DSCAM: variants seen among roughly 807,000 people sequenced by gnomAD.
The protein encoded by DSCAM is DS cell adhesion molecule, also known as cell adhesion molecule DSCAM.
Under a neutral mutation model 217.7 loss-of-function variants are expected in DSCAM, and 47 were observed. That is an observed-to-expected ratio of 0.22 (90% CI 0.17 to 0.28). DSCAM has a LOEUF of 0.28. Among genes scored for constraint, DSCAM ranks in the 10% least tolerant of loss-of-function variants. DSCAM has a pLI of 1.00. For missense variants in DSCAM, 2,080 were observed against 2,618.3 expected, an observed-to-expected ratio of 0.79 and a Z score of 4.49; for synonymous variants, 1,056 against 1,015.3, an observed-to-expected ratio of 1.04 and a Z score of -0.76.
chr21:40,185,469 C>T (rs989880923), intron 14 of DSCAM, among the ~76,000 whole-genome samples: 1 of 152,176 alleles, frequency 6.6e-6, no homozygotes, highest in Admixed American at 6.5e-5. Flanking sequence ...GCAATGCCCG[C>T]TCCTCCATGA....
intron 9 of DSCAM, among the ~76,000 whole-genome samples, chr21:40,307,555 C>G (rs2074092912): frequency 6.6e-6 from 1 of 152,050 alleles, no homozygotes; most frequent in African/African-American, 2.4e-5. Context: ...ACTAGAAATA[C>G]CATTTGACCC....
chr21:40,701,252 T>C (rs1037106773), intron 2 of DSCAM, among the ~76,000 whole-genome samples: 1 of 152,232 alleles, frequency 6.6e-6, no homozygotes, highest in African/African-American at 2.4e-5. Flanking sequence ...GTTCTCTTAG[T>C]ATCATTTTAA....
chr21:40,265,468 T>C (rs1179502943), intron 11 of DSCAM, among the ~76,000 whole-genome samples: 5 of 147,678 alleles, frequency 3.4e-5, no homozygotes, highest in Non-Finnish European at 7.4e-5. Flanking sequence ...AATACCAACA[T>C]CGTTTTTCAC....
intron 10 of DSCAM, among the ~76,000 whole-genome samples, chr21:40,285,226 C>A (rs1030657617): frequency 6.6e-6 from 1 of 152,156 alleles, no homozygotes; most frequent in African/African-American, 2.4e-5. Flanking sequence ...CTGGGAGGAG[C>A]CCTGCAGCAG....
At chr21:40,076,439 A>G (rs1335531873) in intron 26 of DSCAM, among the ~76,000 whole-genome samples, 2 of 152,194 alleles carry the variant, frequency 1.3e-5, no homozygotes, top group African/African-American at 4.8e-5. Flanking sequence ...CAAGATAACA[A>G]AGTTCTTCAG....
chr21:40,704,089 T>C (rs1274877652), intron 2 of DSCAM, among the ~76,000 whole-genome samples: 6 of 152,220 alleles, frequency 3.9e-5, no homozygotes, highest in Admixed American at 3.9e-4. Context: ...CACTCTATGT[T>C]GTAAGTTCTA....
Position 40,144,160 on chromosome 21 carries a change from T to C in DSCAM, c.3259+331A>G, listed in dbSNP as rs1380462892. 6.6e-6 allele frequency among the ~76,000 whole-genome samples: 1 copy of C among 152,228 alleles called. No individual in the cohort carries two copies. The highest frequency in any genetic ancestry group is 2.4e-5 in the African/African-American group (1 of 41,476). On this transcript the variant is annotated intron_variant, in intron 17 of 32. Transcript: ENST00000400454. The surrounding 1 kb of genome is among the most constrained non-coding windows in gnomAD (Gnocchi z 4.8). ...ATTTGGGAGAAAGTTTTTTAGCAAA[T>C]AGCATTTCTGCATTCTCGTGAGACT...
At chr21:40,543,675 G>A (rs1452872704) in intron 3 of DSCAM, among the ~76,000 whole-genome samples, 1 of 152,030 alleles carries the variant, frequency 6.6e-6, no homozygotes, top group Admixed American at 6.6e-5. Context: ...TGTCTACTTG[G>A]TATCAGTCTT....
chr21:40,565,093 G>GGGCAGCC (rs1397612401), intron 3 of DSCAM, among the ~76,000 whole-genome samples: 26 of 152,300 alleles, frequency 1.7e-4, no homozygotes, highest in Admixed American at 6.5e-4. Context: ...GAGCCAAGAA[G>GGGCAGCC]TGCAGCCTTT....
chr21:40,615,373 A>T (rs184662325), intron 3 of DSCAM: 1 of 151,936 alleles, frequency 6.6e-6, no homozygotes, highest in Non-Finnish European at 1.5e-5. Flanking sequence ...TGATGAATCT[A>T]TGAATAATTT....
chr21:40,091,216 T>C (rs1316289356), intron 21 of DSCAM, among the ~76,000 whole-genome samples: 1 of 152,138 alleles, frequency 6.6e-6, no homozygotes, highest in Non-Finnish European at 1.5e-5. Context: ...CACACACACA[T>C]GCACACAGAG....
intron 3 of DSCAM, among the ~76,000 whole-genome samples, chr21:40,611,973 C>G (rs1172640114): frequency 6.6e-6 from 1 of 152,124 alleles, no homozygotes; most frequent in Non-Finnish European, 1.5e-5. Context: ...GTGGGACAAC[C>G]ACCATAGTTA....
intron 1 of DSCAM, among the ~76,000 whole-genome samples, chr21:40,780,217 T>C (rs1411391576): frequency 1.3e-5 from 2 of 152,002 alleles, no homozygotes; most frequent in Non-Finnish European, 2.9e-5. Context: ...CCAAACAAAG[T>C]TCCAGAGCCC....
In DSCAM at chr21:40,530,115, G is replaced by GC. The variant is rs1313093948; in HGVS notation, c.509-160871dup. ...TTGCTCTCTGCTGTAGCTCCACACT[G>GC]CCCCCAGAAGTGACTTGTCCAAACC... On this transcript the variant is annotated intron_variant, in intron 3 of 32. Coordinates refer to ENST00000400454, the MANE Select transcript of DSCAM (RefSeq NM_001389.5). Among the ~76,000 whole-genome samples the GC allele has an allele frequency of 2.0e-5, 3 of 152,138 alleles. No individual in the cohort carries two copies. In the East Asian group the frequency reaches 5.8e-4, roughly 29 times the overall value.
chr21:40,705,737 G>A (rs1438055072), intron 2 of DSCAM, among the ~76,000 whole-genome samples: 2 of 152,162 alleles, frequency 1.3e-5, no homozygotes, highest in Admixed American at 6.5e-5. Flanking sequence ...TGGGGATTAT[G>A]GGGATTATCA....
intron 1 of DSCAM, among the ~76,000 whole-genome samples, chr21:40,716,889 C>G (rs1455994072): frequency 1.3e-5 from 2 of 152,130 alleles, no homozygotes; most frequent in Non-Finnish European, 2.9e-5. Context: ...AATTATAATT[C>G]TATTTACCGA....
chr21:40,441,421 A>T (rs774905817), intron 3 of DSCAM, among the ~76,000 whole-genome samples: 2 of 152,192 alleles, frequency 1.3e-5, no homozygotes, highest in Admixed American at 6.5e-5. Context: ...TGACTTAGTT[A>T]TCCAAGATAT....
intron 1 of DSCAM, among the ~76,000 whole-genome samples, chr21:40,780,207 CCAAA>C (rs2091527168): frequency 6.6e-6 from 1 of 152,002 alleles, no homozygotes. Context: ...CGTGTTCTTT[CCAAA>C]CAAAGTTCCA....
At chr21:40,435,698 G>A (rs993648839) in intron 3 of DSCAM, among the ~76,000 whole-genome samples, 2 of 152,196 alleles carry the variant, frequency 1.3e-5, no homozygotes, top group African/African-American at 4.8e-5. Flanking sequence ...GAGCATATTT[G>A]TGTGGGTCTA....
Sources: allele counts gnomAD v4.1 joint callset (sites outside exome capture counted in the v4.1 genomes callset), GRCh38; gene constraint gnomAD v4.1.1; non-coding constraint Gnocchi (gnomAD v3.1); transcripts MANE v1.5; gene names NCBI Gene and HGNC (gene_info 2026-07-23, HGNC 2026-07-21).